The following SCYL3 variants were observed in gnomAD, a reference collection of about 807,000 sequenced individuals.
The protein encoded by SCYL3 is protein-associating with the carboxyl-terminal domain of ezrin.
In SCYL3, 35 loss-of-function variants were observed where a neutral mutation model predicts 73.8. The ratio of observed to expected loss-of-function variants is 0.47; its 90% CI spans 0.36 to 0.63. The LOEUF (loss-of-function observed/expected upper bound fraction) is 0.63, where lower values mean the gene tolerates loss of function less well. Among genes scored for constraint, SCYL3 ranks in the 20% least tolerant of loss-of-function variants. The probability of loss-of-function intolerance (pLI) is 0.00; values close to 1 mark genes in which losing one functional copy is unlikely to be tolerated. For synonymous variants in SCYL3, 277 were observed against 295.2 expected (o/e 0.94, Z 0.63); for missense variants, 712 against 798.9 (o/e 0.89, Z 1.31).
At chr1:169,859,316 T>C in intron 10 of SCYL3, 104 bp from the exon 11 acceptor site, 1 of 1,111,398 alleles carries the variant, frequency 9.0e-7, no homozygotes, top group Admixed American at 3.1e-5. Context: ...TTAGATAAAC[T>C]ACATTATCTT....
chr1:169,853,430 C>T lies in SCYL3; in HGVS notation c.*283G>A, dbSNP rs977036817. 19 of 404,710 alleles carry T rather than the reference C, an allele frequency of 4.7e-5. No homozygotes were observed. The highest frequency in any genetic ancestry group is 2.9e-4 in the East Asian group (7 of 23,860). The allele number at this position is 404,710 out of a possible 1,614,324, so 25.1% of individuals were successfully genotyped here. A position where few individuals can be genotyped will look rare whatever the true frequency, so the allele number is the denominator to read the frequency against. ...ATTGTCCTGGAAAAAGCAGTAAATT[C>T]GACCTCTCCTCAGCTACTTGCTCTT... On this transcript the variant is annotated 3_prime_UTR_variant, in exon 13 of 13. Coordinates refer to ENST00000367771, the MANE Select transcript of SCYL3 (RefSeq NM_020423.7).
intron 10 of SCYL3, 26 bp downstream of exon 10, chr1:169,862,587 A>T: frequency 1.2e-6 from 2 of 1,612,330 alleles, no homozygotes; most frequent in African/African-American, 1.3e-5. Flanking sequence ...TTCTGTGACT[A>T]CCCCACTGCA....
rs1272616323 is a variant in SCYL3, at chr1:169,854,725, C to T, written c.1552G>A (p.Asp518Asn). 1 of 1,613,892 alleles carries T rather than the reference C, an allele frequency of 6.2e-7. No homozygotes were observed. Among genetic ancestry groups the T allele is most frequent in the Non-Finnish European group, 8.5e-7 (1 of 1,179,960 alleles). ...TLDVEESSWD[D>N]CEPSSLDTKV... Reference sequence around the variant, plus strand: ...GTATCTAAGCTGCTGGGCTCGCAGTCATCCCAAGATGACTCTTCCACATCC... The same window carrying T: ...GTATCTAAGCTGCTGGGCTCGCAGTTATCCCAAGATGACTCTTCCACATCC... The change falls in exon 12 of 13, where the codon GAC becomes AAC. Residue 518 changes from aspartate (D) to asparagine (N), a missense_variant. Transcript: ENST00000367771.
rs35116293 is a variant in SCYL3, at chr1:169,853,667, T to TA, written c.*45dup. 20 of 1,598,850 alleles carry TA rather than the reference T, an allele frequency of 1.3e-5. No homozygotes were observed. The highest frequency in any genetic ancestry group is 1.7e-4 in the Middle Eastern group (1 of 6,028). ...CTGCTTTTGAGGTATTGATTTTTTT[T>TA]AAAAAAAGGGAATCCTTTTTCCTAA... On this transcript the variant is annotated 3_prime_UTR_variant, in exon 13 of 13. Coordinates refer to ENST00000367771, the MANE Select transcript of SCYL3 (RefSeq NM_020423.7).
In SCYL3 at chr1:169,854,825, A is replaced by G; in HGVS notation, c.1452T>C (p.Pro484=). The G allele has an allele frequency of 6.2e-7, 1 of 1,614,016 alleles. No individual in the cohort carries two copies. Among genetic ancestry groups the G allele is most frequent in the Non-Finnish European group, 8.5e-7 (1 of 1,179,932 alleles). ...EWPDWSEPEE[P]ENQTVNIQIW... Reference sequence around the variant, plus strand: ...TCTGTATGTTGACAGTTTGATTTTCAGGCTCCTCAGGTTCACTCCAGTCAG... The same window carrying G: ...TCTGTATGTTGACAGTTTGATTTTCGGGCTCCTCAGGTTCACTCCAGTCAG... The change falls in exon 12 of 13, where the codon CCT becomes CCC. Residue 484 remains proline (P), a synonymous_variant. Transcript: ENST00000367771.
intron 2 of SCYL3, among the ~76,000 whole-genome samples, chr1:169,881,795 G>A (rs1481882301): frequency 1.3e-5 from 2 of 152,270 alleles, no homozygotes; most frequent in East Asian, 1.9e-4. Flanking sequence ...GACCAGGGGT[G>A]GGGGGATTAT....
chr1:169,853,953 G>T, intron 12 of SCYL3, 181 bp from the exon 13 acceptor site: 4 of 685,054 alleles, frequency 5.8e-6, no homozygotes, highest in Non-Finnish European at 9.6e-6. Context: ...CAAAACCATG[G>T]CACTGGAAAA....
intron 6 of SCYL3, chr1:169,869,273 T>C: frequency 2.0e-6 from 1 of 505,708 alleles, no homozygotes; most frequent in South Asian, 2.3e-5. Context: ...CTATACCCTC[T>C]CATTTCCTGA....
In SCYL3 at chr1:169,849,835, A is replaced by G. The variant is rs1657875189; in HGVS notation, c.*3878T>C. On this transcript the variant is annotated 3_prime_UTR_variant, in exon 13 of 13. Coordinates refer to ENST00000367771, the MANE Select transcript of SCYL3 (RefSeq NM_020423.7). ...AACAAGGACCAGAACAGGCATACAC[A>G]GCAGGCCTACTGATACAGACAGACA... is the stretch of plus-strand genomic sequence containing the variant. The G allele has an allele frequency of 1.9e-6, 1 of 532,160 alleles. No individual in the cohort carries two copies. Among genetic ancestry groups the G allele is most frequent in the Non-Finnish European group, 3.4e-6 (1 of 297,324 alleles). The allele number at this position is 532,160 out of a possible 1,614,324, so 33.0% of individuals were successfully genotyped here.
Position 169,884,218 on chromosome 1 carries a change from T to A in SCYL3, c.165+4458A>T, listed in dbSNP as rs1661510503. Among the ~76,000 whole-genome samples the A allele has an allele frequency of 2.0e-5, 3 of 152,216 alleles. No individual in the cohort carries two copies. In the South Asian group the frequency reaches 6.2e-4, roughly 31 times the overall value. On this transcript the variant is annotated intron_variant, in intron 2 of 12. Transcript: ENST00000367771. Reference sequence around the variant, plus strand: ...CTAATAAATACAGCAAAGATCCAGATAAACCAAAAATTGTGTTAGCAGGTT... The same window carrying A: ...CTAATAAATACAGCAAAGATCCAGAAAAACCAAAAATTGTGTTAGCAGGTT...
intron 10 of SCYL3, among the ~76,000 whole-genome samples, chr1:169,859,577 C>T (rs1314012856): frequency 1.3e-5 from 2 of 152,186 alleles, no homozygotes; most frequent in Non-Finnish European, 2.9e-5. Flanking sequence ...TTCTGCAGAG[C>T]GCACTCAGAA....
In SCYL3 at chr1:169,852,070, TTC is replaced by T; in HGVS notation, c.*1641_*1642del. On this transcript the variant is annotated 3_prime_UTR_variant, in exon 13 of 13. Transcript: ENST00000367771. ...ATCAAATAGATCTAGACATGTAAAA[TTC>T]TGTTTTATGGTAGTTGCTTTTAAAA... 3 of 1,257,870 alleles carry T rather than the reference TTC, an allele frequency of 2.4e-6. No homozygotes were observed. Among genetic ancestry groups the T allele is most frequent in the Non-Finnish European group, 2.3e-6 (2 of 886,742 alleles). 77.9% of individuals were successfully genotyped at this position (1,257,870 alleles called of 1,614,324 possible).
At chr1:169,874,954 G>T (rs182548025) in intron 4 of SCYL3, among the ~76,000 whole-genome samples, 2 of 152,186 alleles carry the variant, frequency 1.3e-5, no homozygotes, top group East Asian at 3.9e-4. Flanking sequence ...AACCTAAATG[G>T]TAAATGAGGC....
chr1:169,888,252 A>G (rs1366224183), intron 2 of SCYL3, among the ~76,000 whole-genome samples: 1 of 152,226 alleles, frequency 6.6e-6, no homozygotes, highest in Non-Finnish European at 1.5e-5. Flanking sequence ...CTCTGCCTGG[A>G]GCAACAATTA....
chr1:169,865,990 T>C (rs1424900521), intron 8 of SCYL3, among the ~76,000 whole-genome samples: 1 of 152,196 alleles, frequency 6.6e-6, no homozygotes, highest in Non-Finnish European at 1.5e-5. Flanking sequence ...TCACCAACTA[T>C]AGGCTGATAA....
At chr1:169,886,533 A>C (rs1242311598) in intron 2 of SCYL3, among the ~76,000 whole-genome samples, 1 of 152,000 alleles carries the variant, frequency 6.6e-6, no homozygotes, top group Non-Finnish European at 1.5e-5. Context: ...TCTACATACC[A>C]CTCTTAGAGT....
chr1:169,854,030 C>A, intron 12 of SCYL3: 1 of 566,310 alleles, frequency 1.8e-6, no homozygotes. Context: ...TTATTTTAAT[C>A]CCTTTTTTTT....
chr1:169,851,611 A>G lies in SCYL3; in HGVS notation c.*2102T>C. 2 of 623,678 alleles carry G rather than the reference A, an allele frequency of 3.2e-6. No individual in the cohort carries two copies. The highest frequency in any genetic ancestry group is 3.4e-5 in the Admixed American group (1 of 29,734). 38.6% of individuals were successfully genotyped at this position (623,678 alleles called of 1,614,324 possible). A position where few individuals can be genotyped will look rare whatever the true frequency, so the allele number is the denominator to read the frequency against. ...ACTATCATTTTTTCCTGCAAAGACA[A>G]CTCTATAACTAACTATTTTGTAAGG... On this transcript the variant is annotated 3_prime_UTR_variant, in exon 13 of 13. Coordinates refer to ENST00000367771, the MANE Select transcript of SCYL3 (RefSeq NM_020423.7).
intron 10 of SCYL3, among the ~76,000 whole-genome samples, chr1:169,859,599 T>A (rs924416747): frequency 2.6e-5 from 4 of 152,212 alleles, no homozygotes; most frequent in African/African-American, 9.6e-5. Flanking sequence ...TCATCTAGGG[T>A]ACTAACAGTT....
Sources: gnomAD v4.1 joint callset for allele counts (sites outside exome capture counted in the v4.1 genomes callset) on GRCh38, gnomAD v4.1.1 for gene constraint, MANE v1.5 for transcripts, NCBI Gene and HGNC (gene_info 2026-07-23, HGNC 2026-07-21) for gene names.